The following MAST2 variants were observed in gnomAD, a reference collection of about 807,000 sequenced individuals.
MAST2 encodes the protein microtubule-associated serine/threonine-protein kinase 2.
In MAST2, 70 loss-of-function variants were observed where a neutral mutation model predicts 147.4. The observed-to-expected ratio is 0.47, with a 90% CI of 0.39 to 0.58. The LOEUF (loss-of-function observed/expected upper bound fraction) is 0.58. Ranked by LOEUF, MAST2 falls within the 20% of genes least tolerant of loss-of-function variation. MAST2 has a pLI of 0.00. For missense variants in MAST2, 2,080 were observed against 2,302.3 expected, an observed-to-expected ratio of 0.90 and a Z score of 1.98; for synonymous variants, 869 against 896.8, an observed-to-expected ratio of 0.97 and a Z score of 0.55.
chr1:45,976,222 C>G (rs1644150770), intron 5 of MAST2, among the ~76,000 whole-genome samples: 1 of 152,076 alleles, frequency 6.6e-6, no homozygotes, highest in African/African-American at 2.4e-5. Flanking sequence ...GGTGATCCGC[C>G]CACCTCAGCC....
chr1:45,906,619 ATAT>A (rs1355721316), intron 4 of MAST2, among the ~76,000 whole-genome samples: 13 of 146,740 alleles, frequency 8.9e-5, no homozygotes, highest in African/African-American at 3.0e-4. Flanking sequence ...TTATATAATT[ATAT>A]TATATGTTAT....
intron 4 of MAST2, among the ~76,000 whole-genome samples, chr1:45,924,899 A>G (rs1654118776): frequency 6.6e-6 from 1 of 152,172 alleles, no homozygotes; most frequent in Non-Finnish European, 1.5e-5. Context: ...AATCCAAGGA[A>G]TGAGGTCATA....
chr1:45,996,935 A>G (rs1645080675), intron 5 of MAST2, among the ~76,000 whole-genome samples: 1 of 152,152 alleles, frequency 6.6e-6, no homozygotes, highest in African/African-American at 2.4e-5. Context: ...CCAGCACAGC[A>G]TGGAGTATGG....
chr1:45,854,909 A>G (rs75619838), intron 3 of MAST2, among the ~76,000 whole-genome samples: 1,536 of 152,360 alleles, frequency 0.01, 13 homozygotes, highest in Non-Finnish European at 0.016. Flanking sequence ...TAAATTGGAT[A>G]CAGATGAACC....
chr1:45,851,793 G>A (rs566559385), intron 3 of MAST2, among the ~76,000 whole-genome samples: 1 of 152,082 alleles, frequency 6.6e-6, no homozygotes, highest in East Asian at 1.9e-4. Context: ...TGAGCTGAGG[G>A]ACTGAGATTG....
chr1:45,868,070 G>T (rs566427619), intron 3 of MAST2, among the ~76,000 whole-genome samples: 1 of 152,234 alleles, frequency 6.6e-6, no homozygotes, highest in Non-Finnish European at 1.5e-5. Flanking sequence ...GGGAGATTAT[G>T]TGTGAGCATC....
At position 45,804,024 on chromosome 1, in the gene MAST2, G is replaced by A. The variant is rs1009978792; in HGVS notation, c.129G>A (p.Gln43=). 9.7e-6 allele frequency: 12 copies of A among 1,240,718 alleles called. No individual in the cohort carries two copies. In the African/African-American group the frequency reaches 1.6e-4, roughly 16 times the overall value. 76.9% of individuals were successfully genotyped at this position (1,240,718 alleles called of 1,614,324 possible). A position where few individuals can be genotyped will look rare whatever the true frequency, so the allele number is the denominator to read the frequency against. Residue 43 remains glutamine, a synonymous_variant, in exon 1 of 29, where the codon CAG becomes CAA. Coordinates refer to ENST00000361297, the MANE Select transcript of MAST2 (RefSeq NM_015112.3). ...PPRRRAPPGR[Q]RLEERTGPAG... ...GCCGGCGAGCGCCGCCCGGGAGGCA[G>A]CGGCTGGAGGAGCGGACGGGCCCCG...
chr1:45,915,141 A>T (rs1405567664), intron 4 of MAST2, among the ~76,000 whole-genome samples: 2 of 152,130 alleles, frequency 1.3e-5, no homozygotes, highest in Admixed American at 1.3e-4. Context: ...TATGTTGCTC[A>T]GGCTGGTCTG....
chr1:45,842,441 T>G (rs1358590363), intron 3 of MAST2, among the ~76,000 whole-genome samples: 1 of 152,210 alleles, frequency 6.6e-6, no homozygotes, highest in African/African-American at 2.4e-5. Context: ...TTACTTTAGA[T>G]TTAAACCTCT....
rs556026229 is a variant in MAST2, at chr1:45,965,269, A to T, written c.592+5792A>T. 6.6e-5 allele frequency among the ~76,000 whole-genome samples: 10 copies of T among 152,122 alleles called. No individual in the cohort carries two copies. The East Asian group carries it at 1.7e-3, about 26-fold the overall frequency. On this transcript the variant is annotated intron_variant, in intron 5 of 28. Coordinates refer to ENST00000361297, the MANE Select transcript of MAST2 (RefSeq NM_015112.3). The stretch of plus-strand genomic sequence containing the variant: ...GCAGAGCTGAATTCATTTCCTGGAT[A>T]TCCTTGTTAACTTTCTGTCTCGCTG...
chr1:45,992,723 T>C (rs1262269201), intron 5 of MAST2, among the ~76,000 whole-genome samples: 3 of 152,128 alleles, frequency 2.0e-5, no homozygotes, highest in African/African-American at 7.2e-5. Flanking sequence ...TCTTTCTTTT[T>C]TTAAAATTCA....
intron 9 of MAST2, among the ~76,000 whole-genome samples, chr1:46,009,531 A>G (rs1449747884): frequency 6.6e-6 from 1 of 152,238 alleles, no homozygotes; most frequent in Non-Finnish European, 1.5e-5. Context: ...AAGGAGGCAG[A>G]ACAAACACCT....
intron 5 of MAST2, among the ~76,000 whole-genome samples, chr1:45,988,701 C>A (rs1644744876): frequency 6.6e-6 from 1 of 152,136 alleles, no homozygotes; most frequent in African/African-American, 2.4e-5. Context: ...TATTTATTAT[C>A]TAGATCAGAC....
intron 4 of MAST2, among the ~76,000 whole-genome samples, chr1:45,938,843 G>A (rs1231052980): frequency 1.3e-5 from 2 of 151,472 alleles, no homozygotes; most frequent in Non-Finnish European, 2.9e-5. Context: ...TTAGCCATTT[G>A]TATATCTTTT....
At chr1:46,024,294 A>G (rs1363742086) in intron 15 of MAST2, 1 of 347,544 alleles carries the variant, frequency 2.9e-6, no homozygotes, top group African/African-American at 2.1e-5. Flanking sequence ...AGAGCTACAA[A>G]AGCCCAGGAT....
intron 4 of MAST2, among the ~76,000 whole-genome samples, chr1:45,907,736 C>G (rs1651007134): frequency 6.6e-6 from 1 of 152,190 alleles, no homozygotes; most frequent in African/African-American, 2.4e-5. Flanking sequence ...TCCCTTACCC[C>G]AGGCCTTGGC....
At chr1:46,016,772 A>G (rs1298124033) in intron 10 of MAST2, among the ~76,000 whole-genome samples, 6 of 152,298 alleles carry the variant, frequency 3.9e-5, no homozygotes, top group East Asian at 3.9e-4. Context: ...TAGATTCAAC[A>G]CCATCCCCAT....
At chr1:46,008,215 G>A (rs1376807702) in intron 8 of MAST2, 81 bp from the exon 9 acceptor site, 5 of 872,650 alleles carry the variant, frequency 5.7e-6, no homozygotes, top group African/African-American at 3.3e-5. Context: ...GGTGGGAGGG[G>A]CAGGGTCTCT....
chr1:45,911,848 TTG>T (rs1226130384), intron 4 of MAST2, among the ~76,000 whole-genome samples: 1 of 138,796 alleles, frequency 7.2e-6, no homozygotes, highest in African/African-American at 2.8e-5. Context: ...ATTATTATTA[TTG>T]TTATATTATT....
Sources: allele counts gnomAD v4.1 joint callset (sites outside exome capture counted in the v4.1 genomes callset), GRCh38; gene constraint gnomAD v4.1.1; transcripts MANE v1.5; gene names NCBI Gene and HGNC (gene_info 2026-07-23, HGNC 2026-07-21).